The following RUNX2 variants were observed in gnomAD, a reference collection of about 807,000 sequenced individuals.
RUNX2 encodes runt-related transcription factor 2.
Under a neutral mutation model 51.7 loss-of-function variants are expected in RUNX2, and 10 were observed. The ratio of observed to expected loss-of-function variants is 0.19; its 90% CI spans 0.12 to 0.33. RUNX2 has a LOEUF of 0.33. Among genes scored for constraint, RUNX2 ranks in the 10% least tolerant of loss-of-function variants. RUNX2 has a pLI of 1.00. For missense variants in RUNX2, 562 were observed against 691.3 expected, an observed-to-expected ratio of 0.81 and a Z score of 2.10; for synonymous variants, 276 against 273.6, an observed-to-expected ratio of 1.01 and a Z score of -0.09.
intron 6 of RUNX2, among the ~76,000 whole-genome samples, chr6:45,508,712 G>A (rs1049359108): frequency 1.3e-5 from 2 of 152,110 alleles, no homozygotes; most frequent in Non-Finnish European, 2.9e-5. Flanking sequence ...ATTTGGAAAG[G>A]CCTCCACTAA....
intron 7 of RUNX2, among the ~76,000 whole-genome samples, chr6:45,535,024 C>G (rs905984990): frequency 6.6e-6 from 1 of 152,060 alleles, no homozygotes; most frequent in African/African-American, 2.4e-5. Flanking sequence ...TGTTCTTATA[C>G]GTGGGAGCCT....
intron 2 of RUNX2, among the ~76,000 whole-genome samples, chr6:45,348,427 G>A (rs1791333890): frequency 1.3e-5 from 2 of 150,706 alleles, no homozygotes; most frequent in Admixed American, 6.7e-5. Flanking sequence ...AGCACTTTGG[G>A]AGGCCGAGGT....
chr6:45,396,317 C>G (rs1417512300), intron 2 of RUNX2, among the ~76,000 whole-genome samples: 2 of 152,054 alleles, frequency 1.3e-5, no homozygotes, highest in Non-Finnish European at 2.9e-5. Context: ...AATTCAATGG[C>G]TTTAGTACAT....
At chr6:45,378,690 T>G (rs967825501) in intron 2 of RUNX2, among the ~76,000 whole-genome samples, 2 of 152,116 alleles carry the variant, frequency 1.3e-5, no homozygotes, top group African/African-American at 4.8e-5. Context: ...GATTCTGTGT[T>G]TAGATTTTGG....
intron 2 of RUNX2, among the ~76,000 whole-genome samples, chr6:45,340,798 A>G (rs1789629390): frequency 6.6e-6 from 1 of 152,286 alleles, no homozygotes; most frequent in East Asian, 1.9e-4. Context: ...ATCCTCATTT[A>G]TAAAATTAAA....
At chr6:45,528,372 G>A (rs1171146929) in intron 7 of RUNX2, among the ~76,000 whole-genome samples, 1 of 152,174 alleles carries the variant, frequency 6.6e-6, no homozygotes, top group African/African-American at 2.4e-5. Context: ...TGTAATCCCA[G>A]CACTTTGGGA....
At chr6:45,431,582 T>C (rs1293394658) in intron 3 of RUNX2, among the ~76,000 whole-genome samples, 1 of 152,170 alleles carries the variant, frequency 6.6e-6, no homozygotes, top group African/African-American at 2.4e-5. Context: ...ACGGACAGCT[T>C]AACATGGGGA....
At chr6:45,425,963 C>T (rs751888364) in intron 3 of RUNX2, among the ~76,000 whole-genome samples, 4 of 151,954 alleles carry the variant, frequency 2.6e-5, no homozygotes, top group African/African-American at 4.8e-5. Flanking sequence ...TTATTGAGCC[C>T]GTATTTTGTA....
intron 7 of RUNX2, among the ~76,000 whole-genome samples, chr6:45,516,426 A>G (rs1398819173): frequency 6.6e-6 from 1 of 152,252 alleles, no homozygotes; most frequent in Non-Finnish European, 1.5e-5. Flanking sequence ...CAGTTGAATT[A>G]TAAAAGTCAG....
intron 5 of RUNX2, among the ~76,000 whole-genome samples, chr6:45,476,683 T>C (rs1344024055): frequency 2.6e-5 from 4 of 152,166 alleles, no homozygotes; most frequent in Admixed American, 6.5e-5. Context: ...TTCAAATTAG[T>C]GTTAAGAAAT....
At chr6:45,492,271 T>G (rs1563110065) in intron 6 of RUNX2, among the ~76,000 whole-genome samples, 157 bp downstream of exon 6, 1 of 151,882 alleles carries the variant, frequency 6.6e-6, no homozygotes, top group African/African-American at 2.4e-5. Context: ...TCTTTTTTAT[T>G]AAAAAAAATA....
intron 2 of RUNX2, among the ~76,000 whole-genome samples, chr6:45,383,539 A>C (rs1007516902): frequency 6.6e-6 from 1 of 152,216 alleles, no homozygotes; most frequent in Non-Finnish European, 1.5e-5. Context: ...ATAAAGTTCC[A>C]TTTAGACCTA....
chr6:45,336,765 G>T (rs1448013274), intron 2 of RUNX2, among the ~76,000 whole-genome samples: 1 of 151,326 alleles, frequency 6.6e-6, no homozygotes, highest in Non-Finnish European at 1.5e-5. Flanking sequence ...GATAGGAAGT[G>T]ATTTTCTATA....
At chr6:45,536,829 T>C (rs545270736) in intron 7 of RUNX2, among the ~76,000 whole-genome samples, 3 of 152,356 alleles carry the variant, frequency 2.0e-5, no homozygotes, top group Non-Finnish European at 4.4e-5. Context: ...ATTCATTTCA[T>C]AGTCTTTTCC....
intron 2 of RUNX2, among the ~76,000 whole-genome samples, chr6:45,396,780 T>C (rs1797590097): frequency 6.6e-6 from 1 of 152,220 alleles, no homozygotes. Flanking sequence ...GTGACTGGTG[T>C]CTTTCACTTA....
chr6:45,406,709 A>G (rs1450630756), intron 2 of RUNX2, among the ~76,000 whole-genome samples: 1 of 152,132 alleles, frequency 6.6e-6, no homozygotes, highest in Admixed American at 6.5e-5. Flanking sequence ...TTGCATGTTA[A>G]ATAGGCTTTC....
intron 5 of RUNX2, among the ~76,000 whole-genome samples, chr6:45,455,477 G>A (rs1345642359): frequency 6.6e-6 from 1 of 152,016 alleles, no homozygotes; most frequent in African/African-American, 2.4e-5. Context: ...TACGTTAATT[G>A]AGCAAACATT....
intron 5 of RUNX2, among the ~76,000 whole-genome samples, chr6:45,485,353 C>T (rs1467879214): frequency 1.3e-5 from 2 of 151,910 alleles, no homozygotes; most frequent in Non-Finnish European, 2.9e-5. Context: ...CAGGCATGTG[C>T]CATCACGCCT....
intron 7 of RUNX2, 21 bp from the exon 8 acceptor site, chr6:45,545,196 C>T: frequency 6.6e-7 from 1 of 1,521,854 alleles, no homozygotes; most frequent in Non-Finnish European, 8.9e-7. Flanking sequence ...GAACTTAGAG[C>T]TCATCCCCCT....
Sources: gnomAD v4.1 joint callset for allele counts (sites outside exome capture counted in the v4.1 genomes callset) on GRCh38, gnomAD v4.1.1 for gene constraint, MANE v1.5 for transcripts, NCBI Gene and HGNC (gene_info 2026-07-23, HGNC 2026-07-21) for gene names.